The following PCDH7 variants were observed in gnomAD, a reference collection of about 807,000 sequenced individuals.
PCDH7 encodes protocadherin-7.
Under a neutral mutation model 58.9 loss-of-function variants are expected in PCDH7, and 17 were observed. The ratio of observed to expected loss-of-function variants is 0.29; its 90% CI spans 0.20 to 0.43. The LOEUF (loss-of-function observed/expected upper bound fraction) is 0.43. Among genes scored for constraint, PCDH7 ranks in the 20% least tolerant of loss-of-function variants. The pLI, the probability that PCDH7 is intolerant of heterozygous loss-of-function variation, is 1.00. For synonymous variants in PCDH7, 664 were observed against 616.4 expected (o/e 1.08, Z -1.14); for missense variants, 1,274 against 1,441.0 (o/e 0.88, Z 1.88).
chr4:30,962,064 C>T (rs1748484704), intron 3 of PCDH7, among the ~76,000 whole-genome samples: 1 of 152,110 alleles, frequency 6.6e-6, no homozygotes, highest in African/African-American at 2.4e-5. Context: ...CTCTTTGGAG[C>T]TTAATAACAA....
intron 3 of PCDH7, among the ~76,000 whole-genome samples, chr4:30,998,794 T>C (rs1752115490): frequency 6.6e-6 from 1 of 152,024 alleles, no homozygotes; most frequent in African/African-American, 2.4e-5. Context: ...TCGTAGAAAG[T>C]GGAGAGGGAC....
chr4:31,066,323 C>A (rs961429627), intron 3 of PCDH7, among the ~76,000 whole-genome samples: 1 of 151,792 alleles, frequency 6.6e-6, no homozygotes, highest in Admixed American at 6.6e-5. Context: ...TATGAGGAGT[C>A]TTATAATGTA....
chr4:31,013,823 A>T (rs1753400433), intron 3 of PCDH7, among the ~76,000 whole-genome samples: 1 of 152,160 alleles, frequency 6.6e-6, no homozygotes, highest in Admixed American at 6.5e-5. Context: ...GAAAAATGAG[A>T]TTTAAAAAAT....
intron 3 of PCDH7, among the ~76,000 whole-genome samples, chr4:30,954,197 T>G (rs1163515686): frequency 6.6e-6 from 1 of 152,180 alleles, no homozygotes; most frequent in African/African-American, 2.4e-5. Context: ...CTATGCAGAA[T>G]ATATGGCCTT....
exon 2 of PCDH7, chr4:30,730,854 C>G: frequency 6.6e-7 from 1 of 1,523,856 alleles, no homozygotes; most frequent in Non-Finnish European, 8.8e-7. Context: ...CCGAAACCTG[C>G]TGGAGCCTGC....
intron 1 of PCDH7, among the ~76,000 whole-genome samples, chr4:30,828,570 A>G (rs766884037): frequency 6.6e-6 from 1 of 152,106 alleles, no homozygotes; most frequent in Non-Finnish European, 1.5e-5. Flanking sequence ...TACCAAAAAA[A>G]AAAGGTAATG....
intron 3 of PCDH7, among the ~76,000 whole-genome samples, chr4:31,016,283 C>T (rs1003242917): frequency 1.3e-5 from 2 of 151,950 alleles, no homozygotes; most frequent in Non-Finnish European, 2.9e-5. Flanking sequence ...AGGTTGTGAA[C>T]ATTCTTTTAG....
At chr4:30,853,108 G>T (rs1242200983) in intron 1 of PCDH7, among the ~76,000 whole-genome samples, 1 of 152,040 alleles carries the variant, frequency 6.6e-6, no homozygotes, top group Non-Finnish European at 1.5e-5. Context: ...GCCAGTATTT[G>T]CCATTTCTGG....
In PCDH7 at chr4:30,830,894, A is replaced by C. The variant is rs115667742; in HGVS notation, c.71-89259A>C. Among the ~76,000 whole-genome samples, 789 of 152,246 alleles carry C rather than the reference A, an allele frequency of 5.2e-3. 4 individuals are homozygous for C. Among genetic ancestry groups the C allele is most frequent in the Non-Finnish European group, 8.4e-3 (572 of 68,008 alleles). On this transcript the variant is annotated intron_variant, in intron 1 of 3. Coordinates refer to the PCDH7 transcript ENST00000509759. The stretch of plus-strand genomic sequence containing the variant: ...TTCCTCATAATGCTGCCAATGTTTT[A>C]ACACTTTCTTCTACTTCAACTCATT...
intron 3 of PCDH7, among the ~76,000 whole-genome samples, chr4:31,055,903 CTTT>C (rs1757128193): frequency 1.3e-5 from 2 of 152,118 alleles, no homozygotes; most frequent in South Asian, 4.1e-4. Context: ...TTATAATCTT[CTTT>C]AAGTATTCTC....
chr4:31,043,630 G>T (rs1448839833), intron 3 of PCDH7, among the ~76,000 whole-genome samples: 1 of 151,954 alleles, frequency 6.6e-6, no homozygotes, highest in Admixed American at 6.6e-5. Flanking sequence ...TTTTAATGGG[G>T]TTTTTTGTTT....
At chr4:30,820,446 G>A (rs1283750813) in intron 1 of PCDH7, among the ~76,000 whole-genome samples, 1 of 152,150 alleles carries the variant, frequency 6.6e-6, no homozygotes, top group African/African-American at 2.4e-5. Context: ...TGGACAAGGA[G>A]TTGCGTATTT....
At chr4:30,843,413 T>G (rs1235313976) in intron 1 of PCDH7, among the ~76,000 whole-genome samples, 1 of 152,136 alleles carries the variant, frequency 6.6e-6, no homozygotes, top group Non-Finnish European at 1.5e-5. Flanking sequence ...AGGCTGGTCT[T>G]GAACTCTCTA....
At chr4:31,061,798 T>C (rs1460811282) in intron 3 of PCDH7, among the ~76,000 whole-genome samples, 2 of 151,754 alleles carry the variant, frequency 1.3e-5, no homozygotes, top group African/African-American at 2.4e-5. Context: ...TTGAAATGAT[T>C]GCTGGTTTGA....
chr4:30,812,579 A>T (rs1175391382), intron 1 of PCDH7, among the ~76,000 whole-genome samples: 2 of 152,094 alleles, frequency 1.3e-5, no homozygotes, highest in Non-Finnish European at 2.9e-5. Flanking sequence ...CTGTTAAGCT[A>T]TTTTCAAAAT....
At chr4:31,048,713 A>AAG (rs375191158) in intron 3 of PCDH7, among the ~76,000 whole-genome samples, 2 of 151,978 alleles carry the variant, frequency 1.3e-5, no homozygotes, top group African/African-American at 4.8e-5. Flanking sequence ...TACTGTTGAA[A>AAG]AGAGAGAGAG....
At chr4:30,825,987 C>T (rs1265755652) in intron 1 of PCDH7, among the ~76,000 whole-genome samples, 1 of 152,092 alleles carries the variant, frequency 6.6e-6, no homozygotes, top group Non-Finnish European at 1.5e-5. Context: ...CCTTCCCTCT[C>T]TGTCCTTTCT....
intron 3 of PCDH7, among the ~76,000 whole-genome samples, chr4:31,090,836 A>T (rs1030952202): frequency 6.6e-6 from 1 of 152,038 alleles, no homozygotes; most frequent in Non-Finnish European, 1.5e-5. Context: ...TCAATAGTTT[A>T]ACTCCATGTC....
chr4:31,094,155 C>T (rs182252692), intron 3 of PCDH7, among the ~76,000 whole-genome samples: 54 of 152,220 alleles, frequency 3.5e-4, no homozygotes, highest in African/African-American at 1.2e-3. Flanking sequence ...TTGTAAATTA[C>T]CATTACTCAA....
Sources: allele counts gnomAD v4.1 joint callset (sites outside exome capture counted in the v4.1 genomes callset), GRCh38; gene constraint gnomAD v4.1.1; transcripts MANE v1.5; gene names NCBI Gene and HGNC (gene_info 2026-07-23, HGNC 2026-07-21).